The following SKAP2 variants were observed in gnomAD, a reference collection of about 807,000 sequenced individuals.
The protein encoded by SKAP2 is src kinase-associated phosphoprotein 2.
In SKAP2, 28 loss-of-function variants were observed where a neutral mutation model predicts 54.9. The observed-to-expected ratio is 0.51, with a 90% confidence interval of 0.38 to 0.70. The LOEUF is 0.70. SKAP2 is among the 30% of genes least tolerant of loss of function. The probability of loss-of-function intolerance (pLI) is 0.00; values close to 1 mark genes in which losing one functional copy is unlikely to be tolerated. For synonymous variants in SKAP2, 137 were observed against 134.3 expected (o/e 1.02, Z -0.14); for missense variants, 356 against 424.1 (o/e 0.84, Z 1.41).
At chr7:26,679,918 C>T (rs1041226417) in intron 11 of SKAP2, among the ~76,000 whole-genome samples, 2 of 152,176 alleles carry the variant, frequency 1.3e-5, no homozygotes, top group Non-Finnish European at 2.9e-5. Flanking sequence ...CCAATATACA[C>T]CAAAAAGTAC....
At chr7:26,838,647 T>C (rs1784760175) in intron 4 of SKAP2, among the ~76,000 whole-genome samples, 1 of 152,108 alleles carries the variant, frequency 6.6e-6, no homozygotes, top group Non-Finnish European at 1.5e-5. Flanking sequence ...TAAAAGGCCC[T>C]CCCTCCACAA....
At chr7:26,726,084 T>C (rs1562588659) in intron 7 of SKAP2, 98 bp from the exon 8 acceptor site, 2 of 749,228 alleles carry the variant, frequency 2.7e-6, no homozygotes, top group East Asian at 5.4e-5. Flanking sequence ...GTAATTCTTT[T>C]CATGTCTAGT....
At chr7:26,770,402 G>A (rs897045348) in intron 4 of SKAP2, among the ~76,000 whole-genome samples, 6 of 152,156 alleles carry the variant, frequency 3.9e-5, no homozygotes, top group Non-Finnish European at 5.9e-5. Flanking sequence ...CTGTGGGGGT[G>A]GGATCTGCTG....
intron 4 of SKAP2, among the ~76,000 whole-genome samples, chr7:26,762,878 A>G (rs542030398): frequency 1.3e-5 from 2 of 152,178 alleles, no homozygotes; most frequent in Non-Finnish European, 1.5e-5. Context: ...TTGCAACCCA[A>G]TTTGCCAATG....
intron 4 of SKAP2, among the ~76,000 whole-genome samples, chr7:26,771,407 G>A (rs1415292727): frequency 6.6e-6 from 1 of 152,180 alleles, no homozygotes; most frequent in Non-Finnish European, 1.5e-5. Context: ...CCTATCTACT[G>A]TACATCTAAT....
chr7:26,745,349 G>A (rs1213143970), intron 4 of SKAP2, among the ~76,000 whole-genome samples: 3 of 152,138 alleles, frequency 2.0e-5, no homozygotes, highest in African/African-American at 7.2e-5. Flanking sequence ...AAAAAGTAAA[G>A]AATAAACTTC....
chr7:26,824,198 G>A (rs1029515329), intron 4 of SKAP2, among the ~76,000 whole-genome samples: 2 of 152,070 alleles, frequency 1.3e-5, no homozygotes, highest in Non-Finnish European at 1.5e-5. Context: ...CGAGACCCTC[G>A]ACCAGCAAAA....
At chr7:26,656,918 A>C in the SKAP2 span, among the ~76,000 whole-genome samples, 1 of 152,168 alleles carries the variant, frequency 6.6e-6, no homozygotes, top group Non-Finnish European at 1.5e-5. Context: ...CGGCTGCCCG[A>C]GATTTTCCTG....
intron 1 of SKAP2, among the ~76,000 whole-genome samples, chr7:26,856,304 TAAC>T (rs772385897): frequency 3.9e-5 from 6 of 151,954 alleles, no homozygotes; most frequent in East Asian, 1.9e-4. Context: ...TGAGTTATAT[TAAC>T]AACTGATGTA....
intron 6 of SKAP2, among the ~76,000 whole-genome samples, chr7:26,734,816 C>T (rs935452264): frequency 6.6e-6 from 1 of 152,136 alleles, no homozygotes; most frequent in Non-Finnish European, 1.5e-5. Flanking sequence ...AGCCCTCATG[C>T]CTTAATCACC....
At chr7:26,682,356 G>C (rs181715300) in intron 11 of SKAP2, among the ~76,000 whole-genome samples, 1 of 152,210 alleles carries the variant, frequency 6.6e-6, no homozygotes, top group African/African-American at 2.4e-5. Context: ...AAAGCAACCT[G>C]TCTACTCGCA....
chr7:26,667,463 T>TC lies in SKAP2; in HGVS notation c.*2202dup, dbSNP rs1210657345. ...ATGAATTGAAAGTAATGATTATTTG[T>TC]CCTGTCACTCCAGTTTTAAGTCTTT... On this transcript the variant is annotated 3_prime_UTR_variant, in exon 13 of 13. Coordinates refer to ENST00000345317, the MANE Select transcript of SKAP2 (RefSeq NM_003930.5). 3 of 152,506 alleles carry TC rather than the reference T, an allele frequency of 2.0e-5. No homozygotes were observed. Among genetic ancestry groups the TC allele is most frequent in the Admixed American group, 1.3e-4 (2 of 15,268 alleles). 9.4% of individuals were successfully genotyped at this position (152,506 alleles called of 1,614,324 possible).
chr7:26,770,859 T>A (rs1783174755), intron 4 of SKAP2, among the ~76,000 whole-genome samples: 1 of 152,198 alleles, frequency 6.6e-6, no homozygotes, highest in Non-Finnish European at 1.5e-5. Context: ...GCCTTCTGCA[T>A]TGGTCTCACT....
chr7:26,788,768 T>TC (rs1193109944), intron 4 of SKAP2, among the ~76,000 whole-genome samples: 2 of 151,364 alleles, frequency 1.3e-5, no homozygotes, highest in African/African-American at 2.4e-5. Flanking sequence ...TAAATCCCAC[T>TC]CCCCCCTAAT....
intron 4 of SKAP2, among the ~76,000 whole-genome samples, chr7:26,805,202 A>C (rs1783999962): frequency 6.6e-6 from 1 of 152,314 alleles, no homozygotes; most frequent in African/African-American, 2.4e-5. Context: ...AAAATAAAAA[A>C]TTTTTAATCA....
At chr7:26,716,913 G>A (rs1787459042) in intron 9 of SKAP2, among the ~76,000 whole-genome samples, 1 of 152,062 alleles carries the variant, frequency 6.6e-6, no homozygotes, top group Non-Finnish European at 1.5e-5. Flanking sequence ...CTCTTTTTTA[G>A]ATTAAAACAA....
At chr7:26,753,234 T>G (rs1002362377) in intron 4 of SKAP2, among the ~76,000 whole-genome samples, 1 of 152,172 alleles carries the variant, frequency 6.6e-6, no homozygotes, top group Non-Finnish European at 1.5e-5. Flanking sequence ...CAGGCTAAAA[T>G]AGTGTGTCAC....
intron 4 of SKAP2, among the ~76,000 whole-genome samples, chr7:26,832,165 C>T: frequency 6.6e-6 from 1 of 152,192 alleles, no homozygotes; most frequent in Middle Eastern, 3.2e-3. Flanking sequence ...CAATGCCACA[C>T]ATTTCTGCAA....
intron 1 of SKAP2, among the ~76,000 whole-genome samples, chr7:26,859,639 C>T (rs1785240975): frequency 6.6e-6 from 1 of 152,114 alleles, no homozygotes; most frequent in African/African-American, 2.4e-5. Context: ...TGATAGAAAG[C>T]TGGGCTGTTT....
Sources: allele counts gnomAD v4.1 joint callset (sites outside exome capture counted in the v4.1 genomes callset), GRCh38; gene constraint gnomAD v4.1.1; transcripts MANE v1.5; gene names NCBI Gene and HGNC (gene_info 2026-07-23, HGNC 2026-07-21).